The following TLN2 variants were observed in gnomAD, a reference collection of about 807,000 sequenced individuals.
TLN2 encodes the protein talin-2.
A neutral mutation model predicts 294.7 loss-of-function variants in TLN2; 118 were observed. That is an observed-to-expected ratio of 0.40 (90% CI 0.34 to 0.47). TLN2 has a LOEUF of 0.47. Ranked by LOEUF, TLN2 falls within the 20% of genes least tolerant of loss-of-function variation. The pLI, the probability that TLN2 is intolerant of heterozygous loss-of-function variation, is 0.84. For missense variants in TLN2, 3,083 were observed against 3,282.2 expected (o/e 0.94, Z 1.48); for synonymous variants, 1,431 against 1,304.5 (o/e 1.10, Z -2.09).
At chr15:62,669,354 G>A (rs1596595609) in intron 9 of TLN2, among the ~76,000 whole-genome samples, 1 of 152,300 alleles carries the variant, frequency 6.6e-6, no homozygotes, top group African/African-American at 2.4e-5. Context: ...CAGGGTTTGT[G>A]AGAGAGGAGT....
chr15:62,687,149 AGGCC>A (rs1328451484), intron 12 of TLN2, among the ~76,000 whole-genome samples: 1 of 152,190 alleles, frequency 6.6e-6, no homozygotes, highest in Admixed American at 6.5e-5. Context: ...TGAGACACAA[AGGCC>A]CCCTCTCTGT....
chr15:62,450,511 G>GTGTATGTATGTA (rs1219079553), intron 1 of TLN2, among the ~76,000 whole-genome samples: 12 of 145,628 alleles, frequency 8.2e-5, no homozygotes, highest in African/African-American at 2.6e-4. Context: ...GGCCCCCATC[G>GTGTATGTATGTA]TGTATGTATG....
chr15:62,720,139 C>T (rs1483733679), intron 25 of TLN2, among the ~76,000 whole-genome samples: 1 of 152,226 alleles, frequency 6.6e-6, no homozygotes. Context: ...ATTTATTTCT[C>T]TTCAAAGAGA....
At chr15:62,447,361 G>A (rs577547141) in intron 1 of TLN2, among the ~76,000 whole-genome samples, 13 of 152,180 alleles carry the variant, frequency 8.5e-5, no homozygotes, top group African/African-American at 2.6e-4. Context: ...GAGGCTGGGA[G>A]GAGCACTTGG....
intron 3 of TLN2, among the ~76,000 whole-genome samples, chr15:62,632,174 A>C (rs572882974): frequency 1.3e-5 from 2 of 152,348 alleles, no homozygotes; most frequent in East Asian, 1.9e-4. Flanking sequence ...AACGGAGTAC[A>C]TAGTCTCATT....
At chr15:62,540,425 G>A (rs2041614171) in intron 1 of TLN2, among the ~76,000 whole-genome samples, 1 of 150,414 alleles carries the variant, frequency 6.6e-6, no homozygotes, top group African/African-American at 2.5e-5. Context: ...AACTGGGAGT[G>A]ACCTAAGAAC....
intron 1 of TLN2, among the ~76,000 whole-genome samples, chr15:62,456,878 G>A (rs2140331491): frequency 6.6e-6 from 1 of 152,236 alleles, no homozygotes; most frequent in South Asian, 2.1e-4. Flanking sequence ...AAAGGGGGGC[G>A]GTTCAGGGCT....
intron 13 of TLN2, among the ~76,000 whole-genome samples, chr15:62,694,017 G>A (rs2141072094): frequency 6.8e-6 from 1 of 146,808 alleles, no homozygotes; most frequent in South Asian, 2.1e-4. Flanking sequence ...CGCCCAGGCT[G>A]GAGTGCAGTG....
intron 3 of TLN2, among the ~76,000 whole-genome samples, chr15:62,621,384 T>C (rs1462750344): frequency 6.6e-6 from 1 of 152,152 alleles, no homozygotes; most frequent in Admixed American, 6.5e-5. Context: ...GAAGGTAAAG[T>C]CGATACACAG....
intron 2 of TLN2, among the ~76,000 whole-genome samples, chr15:62,616,616 C>G (rs1378185652): frequency 6.6e-6 from 1 of 152,126 alleles, no homozygotes; most frequent in Non-Finnish European, 1.5e-5. Flanking sequence ...AAATAAATAT[C>G]TCTAGATGGA....
rs1318307001 is a variant in TLN2, at chr15:62,658,052, G to GC, written c.788+155dup. 4.3e-6 allele frequency: 3 copies of GC among 696,148 alleles called. No homozygotes were observed. In the African/African-American group the frequency reaches 5.5e-5, roughly 13 times the overall value. The allele number at this position is 696,148 out of a possible 1,614,324, so 43.1% of individuals were successfully genotyped here. On this transcript the variant is annotated intron_variant, in intron 9 of 58. Coordinates refer to ENST00000636159, the MANE Select transcript of TLN2 (RefSeq NM_015059.3). ...TTCCATCGAGTAGATGACCAAATTT[G>GC]CAGATTTTGGGGAAAGCAAGAGAAA...
chr15:62,488,167 G>T (rs2038513089), intron 1 of TLN2, among the ~76,000 whole-genome samples: 1 of 152,216 alleles, frequency 6.6e-6, no homozygotes, highest in African/African-American at 2.4e-5. Context: ...ATGGTACTTT[G>T]TAAAGTGAAA....
At chr15:62,835,849 G>C in intron 56 of TLN2, 42 bp from the exon 57 acceptor site, 1 of 1,614,210 alleles carries the variant, frequency 6.2e-7, no homozygotes, top group Non-Finnish European at 8.5e-7. Context: ...TCCCCTGAGG[G>C]AGGTTTGGGC....
chr15:62,458,141 G>C (rs1282141274), intron 1 of TLN2, among the ~76,000 whole-genome samples: 1 of 152,086 alleles, frequency 6.6e-6, no homozygotes, highest in Non-Finnish European at 1.5e-5. Flanking sequence ...GTGGCTCTCA[G>C]CGCCACCTCT....
intron 5 of TLN2, among the ~76,000 whole-genome samples, chr15:62,650,939 T>C (rs1276932112): frequency 6.6e-5 from 10 of 152,206 alleles, no homozygotes; most frequent in Admixed American, 6.5e-4. Flanking sequence ...TAATGTATTT[T>C]AACACACTCT....
chr15:62,839,551 C>T (rs1948634), intron 58 of TLN2, among the ~76,000 whole-genome samples: 16,793 of 152,214 alleles, frequency 0.11, 2,235 homozygotes, highest in African/African-American at 0.32. Context: ...TTCTGACTTA[C>T]GCAGGATTGC....
At chr15:62,497,432 T>C (rs914730513) in intron 1 of TLN2, among the ~76,000 whole-genome samples, 5 of 152,222 alleles carry the variant, frequency 3.3e-5, no homozygotes, top group African/African-American at 1.2e-4. Context: ...GTGATTTGTT[T>C]CCCCAGTGGT....
intron 12 of TLN2, among the ~76,000 whole-genome samples, chr15:62,689,791 T>A (rs1051827207): frequency 6.9e-6 from 1 of 145,914 alleles, no homozygotes; most frequent in Non-Finnish European, 1.5e-5. Flanking sequence ...CATTTTTCTG[T>A]GGCTGTTTTT....
rs1296882310 is a variant in TLN2 at position 62,763,647 on chromosome 15, GGCC to G, written c.5051_5053del (p.Ala1684del). 6.2e-7 allele frequency: 1 copy of G among 1,613,100 alleles called. No homozygotes were observed. The highest frequency in any genetic ancestry group is 8.5e-7 in the Non-Finnish European group (1 of 1,179,734). ...TCCGGGACATCGAGCAGGCCTCGCT[GGCC>G]GCCGTCAGCCAGAGCCTGGCCACGA... On this transcript the variant is annotated inframe_deletion, in exon 40 of 59. Transcript: ENST00000636159.
Sources: gnomAD v4.1 joint callset for allele counts (sites outside exome capture counted in the v4.1 genomes callset) on GRCh38, gnomAD v4.1.1 for gene constraint, MANE v1.5 for transcripts, NCBI Gene and HGNC (gene_info 2026-07-23, HGNC 2026-07-21) for gene names.